CDH13: variants seen among roughly 807,000 people sequenced by gnomAD.
CDH13 encodes cadherin-13.
In CDH13, 24 loss-of-function variants were observed where a neutral mutation model predicts 63.8. That is an observed-to-expected ratio of 0.38 (90% CI 0.27 to 0.53). CDH13 has a LOEUF of 0.53. Among genes scored for constraint, CDH13 ranks in the 20% least tolerant of loss-of-function variants. The pLI is 0.85. For synonymous variants in CDH13, 503 were observed against 355.3 expected, an observed-to-expected ratio of 1.42 and a Z score of -4.67; for missense variants, 1,049 against 903.1, an observed-to-expected ratio of 1.16 and a Z score of -2.07.
At chr16:83,629,579 A>T (rs981167498) in intron 8 of CDH13, among the ~76,000 whole-genome samples, 1 of 152,230 alleles carries the variant, frequency 6.6e-6, no homozygotes, top group Non-Finnish European at 1.5e-5. Context: ...ATCTAAATTC[A>T]TAAGCTATTT....
At chr16:83,191,446 G>A (rs1035590738) in intron 4 of CDH13, among the ~76,000 whole-genome samples, 1 of 113,846 alleles carries the variant, frequency 8.8e-6, no homozygotes, top group Non-Finnish European at 1.8e-5. Context: ...TAGAAGGACA[G>A]AACTAATAGG....
At chr16:83,386,879 G>T (rs1055227756) in intron 6 of CDH13, among the ~76,000 whole-genome samples, 4 of 152,134 alleles carry the variant, frequency 2.6e-5, no homozygotes, top group Non-Finnish European at 5.9e-5. Flanking sequence ...TGTATTTAAG[G>T]AAGAGATAAG....
At chr16:83,655,327 G>A (rs1912773867) in intron 8 of CDH13, 1 of 152,208 alleles carries the variant, frequency 6.6e-6, no homozygotes, top group Admixed American at 6.5e-5. Flanking sequence ...AGTTAGCAGT[G>A]ACCCTATCCC....
At chr16:83,445,288 G>GCTT (rs1442414777) in intron 6 of CDH13, among the ~76,000 whole-genome samples, 1 of 136,014 alleles carries the variant, frequency 7.4e-6, no homozygotes, top group Non-Finnish European at 1.7e-5. Flanking sequence ...ATTTATAAAA[G>GCTT]GTTTTATAAA....
chr16:83,644,362 C>G (rs1031965404), intron 8 of CDH13, among the ~76,000 whole-genome samples: 1 of 152,178 alleles, frequency 6.6e-6, no homozygotes, highest in Non-Finnish European at 1.5e-5. Context: ...TGACCAACTT[C>G]ACATAAATGG....
At chr16:83,738,712 C>T (rs9924510) in intron 10 of CDH13, among the ~76,000 whole-genome samples, 33,800 of 152,010 alleles carry the variant, frequency 0.22, 4,130 homozygotes, top group East Asian at 0.55. Flanking sequence ...CTGAGACCAG[C>T]CTGGCCAACA....
chr16:83,479,362 A>C (rs934051503), intron 6 of CDH13, among the ~76,000 whole-genome samples: 1 of 152,178 alleles, frequency 6.6e-6, no homozygotes, highest in African/African-American at 2.4e-5. Flanking sequence ...AGAGTCAATG[A>C]AAATAACAAA....
At chr16:82,878,357 T>C (rs2040577445) in intron 2 of CDH13, among the ~76,000 whole-genome samples, 1 of 151,830 alleles carries the variant, frequency 6.6e-6, no homozygotes, top group African/African-American at 2.4e-5. Context: ...AAATGTTGAA[T>C]CTTTCACTCT....
At chr16:82,667,694 T>A (rs960922978) in intron 1 of CDH13, among the ~76,000 whole-genome samples, 1 of 152,054 alleles carries the variant, frequency 6.6e-6, no homozygotes, top group African/African-American at 2.4e-5. Flanking sequence ...AGTGCACCCA[T>A]GATGTTTGGT....
chr16:83,135,234 G>A (rs546366512), intron 4 of CDH13, among the ~76,000 whole-genome samples: 1 of 152,288 alleles, frequency 6.6e-6, no homozygotes, highest in South Asian at 2.1e-4. Flanking sequence ...GAGAGATTAA[G>A]TAACTTGCCC....
chr16:82,962,428 T>C (rs569496788), intron 2 of CDH13, among the ~76,000 whole-genome samples: 5 of 152,314 alleles, frequency 3.3e-5, no homozygotes, highest in Non-Finnish European at 7.3e-5. Flanking sequence ...CTATTGTTTT[T>C]TTGCCACAAG....
chr16:82,694,795 G>A (rs2030057646), intron 1 of CDH13, among the ~76,000 whole-genome samples: 1 of 152,182 alleles, frequency 6.6e-6, no homozygotes, highest in Non-Finnish European at 1.5e-5. Flanking sequence ...AGATATAAGA[G>A]GGAGGGAGGA....
chr16:83,042,036 A>G (rs140274074), intron 3 of CDH13, among the ~76,000 whole-genome samples: 10 of 152,190 alleles, frequency 6.6e-5, no homozygotes, highest in East Asian at 3.9e-4. Context: ...GTAAACTGCA[A>G]TTTTTTTCTA....
intron 1 of CDH13, among the ~76,000 whole-genome samples, chr16:82,812,394 G>C (rs1478952238): frequency 6.6e-6 from 1 of 152,136 alleles, no homozygotes; most frequent in African/African-American, 2.4e-5. Flanking sequence ...AGGAAGCCTT[G>C]AGGAGTTCCA....
At chr16:83,149,773 A>C (rs1417233275) in intron 4 of CDH13, among the ~76,000 whole-genome samples, 1 of 152,208 alleles carries the variant, frequency 6.6e-6, no homozygotes, top group East Asian at 1.9e-4. Flanking sequence ...GGCATCTTGC[A>C]CCAGCGGTAC....
intron 13 of CDH13, among the ~76,000 whole-genome samples, chr16:83,789,476 A>G (rs1005858054): frequency 6.6e-6 from 1 of 151,912 alleles, no homozygotes; most frequent in African/African-American, 2.4e-5. Flanking sequence ...CCTCTGAAGT[A>G]GCTGGGATTA....
chr16:83,710,176 C>T (rs1319573259), intron 10 of CDH13: 1 of 152,206 alleles, frequency 6.6e-6, no homozygotes. Flanking sequence ...TATCCAACCC[C>T]AGATGTCAGG....
At chr16:83,645,249 C>G (rs1911681569) in intron 8 of CDH13, among the ~76,000 whole-genome samples, 1 of 152,198 alleles carries the variant, frequency 6.6e-6, no homozygotes, top group Admixed American at 6.5e-5. Flanking sequence ...TTTGCAGCAA[C>G]ATGGGTGGAG....
chr16:82,883,492 C>T (rs775534457), intron 2 of CDH13, among the ~76,000 whole-genome samples: 1 of 152,168 alleles, frequency 6.6e-6, no homozygotes. Flanking sequence ...TGCATGTTTT[C>T]CATCGACTAT....
Sources: allele counts gnomAD v4.1 joint callset (sites outside exome capture counted in the v4.1 genomes callset), GRCh38; gene constraint gnomAD v4.1.1; transcripts MANE v1.5; gene names NCBI Gene and HGNC (gene_info 2026-07-23, HGNC 2026-07-21).